CACNA1C: variants seen among roughly 807,000 people sequenced by gnomAD.
The protein encoded by CACNA1C is calcium voltage-gated channel subunit alpha1 C.
In CACNA1C, 30 loss-of-function variants were observed where a neutral mutation model predicts 229.0. The observed-to-expected ratio is 0.13, with a 90% CI of 0.10 to 0.18. CACNA1C has a LOEUF of 0.18. Ranked by LOEUF, CACNA1C falls within the 10% of genes least tolerant of loss-of-function variation. CACNA1C has a pLI of 1.00. For missense variants in CACNA1C, 1,658 were observed against 2,845.0 expected (o/e 0.58, Z 9.49); for synonymous variants, 1,114 against 1,132.5 (o/e 0.98, Z 0.33).
intron 2 of CACNA1C, among the ~76,000 whole-genome samples, chr12:2,119,567 G>A (rs1029163517): frequency 2.0e-5 from 3 of 152,240 alleles, no homozygotes; most frequent in African/African-American, 7.2e-5. Context: ...ACTGGTGAGG[G>A]AACCTTGGGC....
rs182994705 is a variant in CACNA1C at position 2,512,698 on chromosome 12, C to A, written c.1218-114C>A. ...TGTGGGCAGGTTTCTCCCTGCAAAGCAATTAAGACTCTTGTTTCTCCTTAT... is the reference window on the plus strand; with the variant it reads ...TGTGGGCAGGTTTCTCCCTGCAAAGAAATTAAGACTCTTGTTTCTCCTTAT... On this transcript the variant is annotated intron_variant, in intron 8 of 46. Transcript: ENST00000399655. This position sits in a 1 kb window ranked among gnomAD's most constrained non-coding sequence, Gnocchi z 4.3. 2.1e-5 allele frequency: 17 copies of A among 800,998 alleles called. No individual in the cohort carries two copies. The highest frequency in any genetic ancestry group is 2.1e-4 in the African/African-American group (12 of 57,220). 49.6% of individuals were successfully genotyped at this position (800,998 alleles called of 1,614,324 possible).
Position 2,467,676 on chromosome 12 carries a change from G to A in CACNA1C, c.757+9970G>A, listed in dbSNP as rs776221295. The stretch of plus-strand genomic sequence containing the variant: ...CAGGGTGGGTCCCACGCCCAGCCCC[G>A]CCCTGCCCCTTAGCACCTGCCAGGC... On this transcript the variant is annotated intron_variant, in intron 5 of 46. Transcript: ENST00000399655. This position sits in a 1 kb window ranked among gnomAD's most constrained non-coding sequence, Gnocchi z 4.6. 1.4e-4 allele frequency among the ~76,000 whole-genome samples: 21 copies of A among 151,756 alleles called. No individual in the cohort carries two copies. Among genetic ancestry groups the A allele is most frequent in the Non-Finnish European group, 3.1e-4 (21 of 67,914 alleles).
rs2044591456 is a variant in CACNA1C, at chr12:2,012,345, C to T, written c.139+41144C>T. Among the ~76,000 whole-genome samples, 4 of 152,282 alleles carry T rather than the reference C, an allele frequency of 2.6e-5. 1 individual carries two copies. The highest frequency in any genetic ancestry group is 2.0e-4 in the Admixed American group (3 of 15,294). ...TTACAGCTCACAGGCTAAATCTGGC[C>T]CTCTGCCTGTCGTGTAAATAAAATT... is the stretch of plus-strand genomic sequence containing the variant. On this transcript the variant is annotated intron_variant, in intron 1 of 46. Coordinates refer to the CACNA1C transcript ENST00000682462.
At chr12:2,362,719 A>T (rs2097590387) in intron 3 of CACNA1C, among the ~76,000 whole-genome samples, 1 of 152,188 alleles carries the variant, frequency 6.6e-6, no homozygotes, top group African/African-American at 2.4e-5. Context: ...GCGAGGGCTC[A>T]GATCAGGCCT....
At chr12:2,240,328 G>A (rs755923585) in intron 3 of CACNA1C, among the ~76,000 whole-genome samples, 1 of 152,168 alleles carries the variant, frequency 6.6e-6, no homozygotes, top group Non-Finnish European at 1.5e-5. Flanking sequence ...AAACAAAGAC[G>A]TACCATGGTC....
intron 1 of CACNA1C, among the ~76,000 whole-genome samples, chr12:2,081,047 A>G (rs1354837514): frequency 1.3e-5 from 2 of 152,234 alleles, no homozygotes; most frequent in Non-Finnish European, 2.9e-5. Context: ...TGAGTAGGGT[A>G]ATTAAAAATA....
intron 3 of CACNA1C, among the ~76,000 whole-genome samples, chr12:2,415,405 G>A (rs1333268991): frequency 6.6e-6 from 1 of 152,118 alleles, no homozygotes; most frequent in Non-Finnish European, 1.5e-5. Flanking sequence ...CAGCGCCCCT[G>A]TAGTGCCCCA....
chr12:2,030,388 G>GTTT (rs5795989), intron 1 of CACNA1C, among the ~76,000 whole-genome samples: 218 of 149,738 alleles, frequency 1.5e-3, no homozygotes, highest in Non-Finnish European at 2.6e-3. Context: ...GCCCAACATA[G>GTTT]TTTTTTTTTT....
chr12:2,388,835 G>C (rs1230382947), intron 3 of CACNA1C, among the ~76,000 whole-genome samples: 1 of 152,210 alleles, frequency 6.6e-6, no homozygotes, highest in Non-Finnish European at 1.5e-5. Context: ...ATCAGTTCAT[G>C]GTCCATGTTG....
chr12:2,468,982 C>G (rs1246186945), intron 5 of CACNA1C, among the ~76,000 whole-genome samples: 1 of 152,190 alleles, frequency 6.6e-6, no homozygotes, highest in African/African-American at 2.4e-5. Context: ...CTTGAGCACC[C>G]TCTTGCATGT....
chr12:2,355,368 C>A (rs550594779), intron 3 of CACNA1C, among the ~76,000 whole-genome samples: 20 of 152,116 alleles, frequency 1.3e-4, no homozygotes, highest in Admixed American at 9.2e-4. Flanking sequence ...CCCACCCCCC[C>A]ACATTTCCTC....
chr12:2,535,008 G>A (rs1476750398), intron 9 of CACNA1C, among the ~76,000 whole-genome samples: 3 of 152,212 alleles, frequency 2.0e-5, no homozygotes, highest in Non-Finnish European at 4.4e-5. Flanking sequence ...ATGGGAGAGG[G>A]AAGCCCTGCC....
At chr12:2,519,263 G>A (rs1379813522) in intron 9 of CACNA1C, among the ~76,000 whole-genome samples, 1 of 152,188 alleles carries the variant, frequency 6.6e-6, no homozygotes, top group Admixed American at 6.5e-5. Context: ...GCCAGAGCAT[G>A]GGAATGTCAT....
intron 3 of CACNA1C, among the ~76,000 whole-genome samples, chr12:2,202,685 G>A (rs1456331453): frequency 6.6e-6 from 1 of 152,120 alleles, no homozygotes; most frequent in Non-Finnish European, 1.5e-5. Flanking sequence ...AAGAGGAAGG[G>A]GACTTGCTTC....
At chr12:2,036,559 G>A (rs1022013583) in intron 1 of CACNA1C, among the ~76,000 whole-genome samples, 3 of 151,790 alleles carry the variant, frequency 2.0e-5, no homozygotes, top group South Asian at 2.1e-4. Context: ...TCTGCCTCTC[G>A]GGTTCAAGAG....
At chr12:2,273,414 C>G (rs2086054730) in intron 3 of CACNA1C, among the ~76,000 whole-genome samples, 1 of 152,070 alleles carries the variant, frequency 6.6e-6, no homozygotes, top group Admixed American at 6.6e-5. Flanking sequence ...GTGGAGAGCC[C>G]AGGGCCCAGG....
intron 18 of CACNA1C, among the ~76,000 whole-genome samples, chr12:2,587,061 T>C (rs1318550297): frequency 1.3e-5 from 2 of 152,186 alleles, no homozygotes; most frequent in East Asian, 1.9e-4. Flanking sequence ...ATGGGGGAAA[T>C]TGAATATGGA....
intron 3 of CACNA1C, among the ~76,000 whole-genome samples, chr12:2,362,744 C>T (rs2097591426): frequency 6.6e-6 from 1 of 152,168 alleles, no homozygotes; most frequent in Non-Finnish European, 1.5e-5. Flanking sequence ...CCCTCTCTCT[C>T]CTGTGGCTGC....
At chr12:2,419,335 G>A (rs543481908) in intron 3 of CACNA1C, among the ~76,000 whole-genome samples, 1 of 152,026 alleles carries the variant, frequency 6.6e-6, no homozygotes, top group Non-Finnish European at 1.5e-5. Context: ...GAGGGAGGAG[G>A]TGTCACACAC....
Sources: gnomAD v4.1 joint callset for allele counts (sites outside exome capture counted in the v4.1 genomes callset) on GRCh38, gnomAD v4.1.1 for gene constraint, Gnocchi (gnomAD v3.1) non-coding constraint, MANE v1.5 for transcripts, NCBI Gene and HGNC (gene_info 2026-07-23, HGNC 2026-07-21) for gene names.